SLC25A42: variants seen among roughly 807,000 people sequenced by gnomAD.
SLC25A42 encodes the protein mitochondrial coenzyme A transporter SLC25A42.
A neutral mutation model predicts 34.7 loss-of-function variants in SLC25A42; 19 were observed. The observed-to-expected ratio is 0.55, with a 90% CI of 0.38 to 0.80. SLC25A42 has a LOEUF of 0.80. SLC25A42 is among the 30% of genes least tolerant of loss of function. The probability of loss-of-function intolerance (pLI) is 0.00; values close to 1 mark genes in which losing one functional copy is unlikely to be tolerated. For synonymous variants in SLC25A42, 205 were observed against 191.2 expected, an observed-to-expected ratio of 1.07 and a Z score of -0.59; for missense variants, 364 against 441.3, an observed-to-expected ratio of 0.82 and a Z score of 1.57.
chr19:19,088,231 A>T (rs1168312465), intron 1 of SLC25A42, among the ~76,000 whole-genome samples: 1 of 142,624 alleles, frequency 7.0e-6, no homozygotes, highest in African/African-American at 2.7e-5. Context: ...TTTGAGACAA[A>T]GTCTCACTCT....
chr19:19,088,842 C>A (rs2059723085), intron 1 of SLC25A42, among the ~76,000 whole-genome samples: 1 of 147,286 alleles, frequency 6.8e-6, no homozygotes, highest in African/African-American at 2.5e-5. Flanking sequence ...GCGTCTCTTT[C>A]TGACACCCAG....
At chr19:19,077,900 C>T (rs903719363) in intron 1 of SLC25A42, among the ~76,000 whole-genome samples, 2 of 152,092 alleles carry the variant, frequency 1.3e-5, no homozygotes, top group African/African-American at 4.8e-5. Flanking sequence ...AAAAAAGAAT[C>T]GTTCAGTATG....
At chr19:19,088,870 C>T (rs1456667590) in intron 1 of SLC25A42, among the ~76,000 whole-genome samples, 4 of 151,116 alleles carry the variant, frequency 2.6e-5, no homozygotes, top group African/African-American at 4.9e-5. Context: ...TGCAGCGGCA[C>T]GATCTTGGCT....
intron 3 of SLC25A42, among the ~76,000 whole-genome samples, chr19:19,103,387 G>A (rs368250197): frequency 3.3e-5 from 5 of 152,202 alleles, no homozygotes; most frequent in African/African-American, 4.8e-5. Context: ...GAGTCACCGC[G>A]CCCGGCCTGT....
At chr19:19,064,514 A>C (rs2059590986) in intron 1 of SLC25A42, among the ~76,000 whole-genome samples, 2 of 120,526 alleles carry the variant, frequency 1.7e-5, no homozygotes, top group African/African-American at 3.2e-5. Flanking sequence ...ACACCCCCAC[A>C]CCCACACCTG....
intron 7 of SLC25A42, 71 bp downstream of exon 7, chr19:19,108,116 G>C (rs1599692748): frequency 1.3e-6 from 2 of 1,504,602 alleles, no homozygotes; most frequent in African/African-American, 2.8e-5. Flanking sequence ...CTCCACCTGG[G>C]TCACATAGAC....
At chr19:19,099,248 C>A (rs2059782171) in intron 2 of SLC25A42, among the ~76,000 whole-genome samples, 1 of 152,160 alleles carries the variant, frequency 6.6e-6, no homozygotes, top group South Asian at 2.1e-4. Flanking sequence ...AGGAGAAGAT[C>A]AAACTCCATG....
chr19:19,105,578 C>A lies in SLC25A42; in HGVS notation c.231C>A (p.Leu77=). ...ATCTCCAGGAGGCCTTCCGGGTCCTCTACTACACCTACCTCAACGAGGGAT... is the reference window on the plus strand; with the variant it reads ...ATCTCCAGGAGGCCTTCCGGGTCCTATACTACACCTACCTCAACGAGGGAT... The part of the protein sequence containing the change: ...RFSAKEAFRV[L]YYTYLNEGFL... The change falls in exon 5 of 8, where the codon CTC becomes CTA. Residue 77 remains leucine, a synonymous_variant. Transcript: ENST00000318596. 1 of 1,613,810 alleles carries A rather than the reference C, an allele frequency of 6.2e-7. No individual in the cohort carries two copies. The highest frequency in any genetic ancestry group is 2.2e-5 in the East Asian group (1 of 44,884).
In SLC25A42 at chr19:19,106,388, G is replaced by T; in HGVS notation, c.497+3G>T. The T allele has an allele frequency of 6.2e-7, 1 of 1,609,222 alleles. No homozygotes were observed. The stretch of plus-strand genomic sequence containing the variant: ...ATGGCCGTAACCCCGAAGGAAATGT[G>T]AGTCCTTACATCGGTGATGCGCATC... On this transcript the variant is annotated splice_donor_region_variant and intron_variant, in intron 6 of 7. Coordinates refer to ENST00000318596, the MANE Select transcript of SLC25A42 (RefSeq NM_178526.5).
chr19:19,087,246 G>C (rs1252544007), intron 1 of SLC25A42, among the ~76,000 whole-genome samples: 1 of 151,848 alleles, frequency 6.6e-6, no homozygotes, highest in Non-Finnish European at 1.5e-5. Flanking sequence ...GGTTATTCAT[G>C]TATCTTCTAA....
intron 1 of SLC25A42, among the ~76,000 whole-genome samples, chr19:19,090,503 G>C (rs2059732559): frequency 6.6e-6 from 1 of 152,042 alleles, no homozygotes; most frequent in Admixed American, 6.6e-5. Flanking sequence ...ATGAAGATTA[G>C]AGTCATGGGC....
intron 7 of SLC25A42, among the ~76,000 whole-genome samples, chr19:19,108,607 C>G (rs1332405724): frequency 6.6e-6 from 1 of 151,406 alleles, no homozygotes; most frequent in Non-Finnish European, 1.5e-5. Context: ...GCATTGATAC[C>G]TCACCTCTTC....
At chr19:19,092,668 A>G (rs967646253) in intron 1 of SLC25A42, among the ~76,000 whole-genome samples, 4 of 152,224 alleles carry the variant, frequency 2.6e-5, no homozygotes, top group African/African-American at 9.6e-5. Flanking sequence ...GCCAGGACCC[A>G]GGCCTCGGGC....
At chr19:19,067,398 A>G (rs1033814522) in intron 1 of SLC25A42, among the ~76,000 whole-genome samples, 2 of 151,998 alleles carry the variant, frequency 1.3e-5, no homozygotes, top group African/African-American at 4.8e-5. Context: ...CTCGGGCAAC[A>G]TGGTGAAACC....
chr19:19,102,256 G>A (rs1355610064), intron 3 of SLC25A42, among the ~76,000 whole-genome samples: 5 of 151,680 alleles, frequency 3.3e-5, no homozygotes, highest in Non-Finnish European at 4.4e-5. Flanking sequence ...TAATCCGCCC[G>A]CCTCGGCCTC....
rs1039220443 is a variant in SLC25A42 at position 19,112,083 on chromosome 19, C to A, written c.*1207C>A. The A allele has an allele frequency of 2.6e-5, 4 of 152,068 alleles. No individual in the cohort carries two copies. Among genetic ancestry groups the A allele is most frequent in the African/African-American group, 9.7e-5 (4 of 41,368 alleles). 9.4% of individuals were successfully genotyped at this position (152,068 alleles called of 1,614,324 possible). A position where few individuals can be genotyped will look rare whatever the true frequency, so the allele number is the denominator to read the frequency against. On this transcript the variant is annotated 3_prime_UTR_variant, in exon 8 of 8. Transcript: ENST00000318596. The surrounding 1 kb of genome is among the most constrained non-coding windows in gnomAD (Gnocchi z 4.3). ...AATGACATGGTGAGTTTCTTGATTT[C>A]TTTTTTTTGTTTGTTTTGTTTTGGT...
chr19:19,086,534 GGTTTT>G (rs1350906407), intron 1 of SLC25A42, among the ~76,000 whole-genome samples: 5 of 152,098 alleles, frequency 3.3e-5, no homozygotes, highest in African/African-American at 1.2e-4. Flanking sequence ...ATCTGCCCAT[GGTTTT>G]GTTTTATTTA....
chr19:19,100,392 G>C (rs1047193892), intron 2 of SLC25A42, among the ~76,000 whole-genome samples: 5 of 152,062 alleles, frequency 3.3e-5, no homozygotes, highest in Admixed American at 3.3e-4. Flanking sequence ...CAGCCTCCTT[G>C]CCAGGCTTTG....
intron 7 of SLC25A42, among the ~76,000 whole-genome samples, chr19:19,110,112 C>T (rs753515042): frequency 9.2e-5 from 14 of 152,006 alleles, no homozygotes; most frequent in Non-Finnish European, 1.8e-4. Context: ...TTTGGGAGGC[C>T]GAGGCAGGCA....
Sources: gnomAD v4.1 joint callset for allele counts (sites outside exome capture counted in the v4.1 genomes callset) on GRCh38, gnomAD v4.1.1 for gene constraint, Gnocchi (gnomAD v3.1) non-coding constraint, MANE v1.5 for transcripts, NCBI Gene and HGNC (gene_info 2026-07-23, HGNC 2026-07-21) for gene names.